The following CDH7 variants were observed in gnomAD, a reference collection of about 807,000 sequenced individuals.
The protein encoded by CDH7 is cadherin-7.
Under a neutral mutation model 71.8 loss-of-function variants are expected in CDH7, and 25 were observed. The observed-to-expected ratio is 0.35, with a 90% CI of 0.25 to 0.49. The LOEUF is 0.49. CDH7 is among the 20% of genes least tolerant of loss of function. The pLI is 0.99. For missense variants in CDH7, 862 were observed against 974.6 expected (o/e 0.88, Z 1.54); for synonymous variants, 381 against 363.8 (o/e 1.05, Z -0.54).
rs1385311167 is a variant in CDH7, at chr18:65,781,880, G to C, written c.210+18828G>C. Among the ~76,000 whole-genome samples the C allele has an allele frequency of 5.1e-3, 132 of 25,832 alleles. 13 individuals carry two copies. The highest frequency in any genetic ancestry group is 0.014 in the African/African-American group (70 of 4,866). The allele number at this position is 25,832 out of a possible 152,430, so 16.9% of individuals were successfully genotyped here. A position where few individuals can be genotyped will look rare whatever the true frequency, so the allele number is the denominator to read the frequency against. The stretch of plus-strand genomic sequence containing the variant: ...TTTCTTTCTTTCTCTCTCTCTCTCT[G>C]TCTCTCTCTCTCTTTCTCTCTATCT... On this transcript the variant is annotated intron_variant, in intron 2 of 11. Coordinates refer to ENST00000397968, the MANE Select transcript of CDH7 (RefSeq NM_004361.5).
intron 1 of CDH7, among the ~76,000 whole-genome samples, chr18:65,756,621 A>G (rs1416085905): frequency 3.9e-5 from 6 of 152,236 alleles, no homozygotes. Context: ...AGCAGAGAGC[A>G]TGAGCAGCTG....
At chr18:65,772,674 A>G (rs1477559247) in intron 2 of CDH7, among the ~76,000 whole-genome samples, 1 of 152,200 alleles carries the variant, frequency 6.6e-6, no homozygotes, top group East Asian at 1.9e-4. Flanking sequence ...AAGGAACTGC[A>G]CTATAGGACA....
intron 2 of CDH7, among the ~76,000 whole-genome samples, chr18:65,800,502 A>G (rs1304810770): frequency 1.3e-5 from 2 of 152,174 alleles, no homozygotes. Context: ...CTGGTTGAAA[A>G]TAGATTTCTG....
intron 11 of CDH7, among the ~76,000 whole-genome samples, chr18:65,874,191 G>A (rs1210252255): frequency 1.3e-5 from 2 of 152,042 alleles, no homozygotes; most frequent in African/African-American, 4.8e-5. Context: ...TGTGGTAGTA[G>A]CCACTAAACA....
chr18:65,848,308 TG>T, intron 7 of CDH7, among the ~76,000 whole-genome samples: 1 of 152,312 alleles, frequency 6.6e-6, no homozygotes, highest in Admixed American at 6.5e-5. Flanking sequence ...ATGCAAGCAC[TG>T]GGGAAAATGC....
intron 7 of CDH7, 132 bp downstream of exon 7, chr18:65,844,197 A>ATATATATATATATATAT (rs1297136960): frequency 1.8e-4 from 43 of 242,004 alleles, no homozygotes; most frequent in Non-Finnish European, 2.4e-4. Context: ...ATCGAGTTAT[A>ATATATATATATATATAT]ACAGCAGAGG....
chr18:65,825,573 A>G (rs948321068), intron 6 of CDH7, among the ~76,000 whole-genome samples: 1 of 151,926 alleles, frequency 6.6e-6, no homozygotes, highest in African/African-American at 2.4e-5. Flanking sequence ...GTCTTAGTTT[A>G]TCAACTATTT....
chr18:65,853,513 A>G (rs1342130569), intron 7 of CDH7, among the ~76,000 whole-genome samples: 4 of 151,866 alleles, frequency 2.6e-5, no homozygotes, highest in African/African-American at 7.3e-5. Context: ...TTTATACATT[A>G]GCTAATGCTT....
At chr18:65,782,142 C>A (rs1910318797) in intron 2 of CDH7, among the ~76,000 whole-genome samples, 1 of 94,730 alleles carries the variant, frequency 1.1e-5, no homozygotes, top group South Asian at 3.6e-4. Context: ...TTCTTTCTTT[C>A]TTTCTTTCTT....
chr18:65,867,061 G>A (rs1913785666), intron 11 of CDH7, among the ~76,000 whole-genome samples: 1 of 148,060 alleles, frequency 6.8e-6, no homozygotes, highest in Non-Finnish European at 1.5e-5. Context: ...TTTTAGACAG[G>A]GTCTTGCTCT....
chr18:65,783,808 A>C (rs1910406862), intron 2 of CDH7, among the ~76,000 whole-genome samples: 1 of 152,196 alleles, frequency 6.6e-6, no homozygotes, highest in Non-Finnish European at 1.5e-5. Flanking sequence ...GACACCAAGA[A>C]TATGACACAG....
intron 4 of CDH7, 86 bp from the exon 5 acceptor site, chr18:65,821,995 A>G (rs1599030146): frequency 2.0e-6 from 2 of 1,025,044 alleles, no homozygotes; most frequent in Admixed American, 1.9e-5. Context: ...ACAACTCAAG[A>G]GGGACTTACT....
chr18:65,843,759 C>T, intron 6 of CDH7, 53 bp from the exon 7 acceptor site: 1 of 1,447,600 alleles, frequency 6.9e-7, no homozygotes, highest in South Asian at 1.5e-5. Flanking sequence ...AAAGGCTCTG[C>T]TTTGCTGACT....
chr18:65,768,083 T>C (rs939133216), intron 2 of CDH7, among the ~76,000 whole-genome samples: 3 of 152,204 alleles, frequency 2.0e-5, no homozygotes, highest in African/African-American at 7.2e-5. Context: ...CCACATTTCC[T>C]GATTGTCTGT....
At chr18:65,791,242 G>T (rs1357259509) in intron 2 of CDH7, among the ~76,000 whole-genome samples, 3 of 152,162 alleles carry the variant, frequency 2.0e-5, no homozygotes, top group Non-Finnish European at 1.5e-5. Context: ...GTGCATGTTT[G>T]TGTATGTTAC....
At chr18:65,876,263 A>G (rs1333085850) in intron 11 of CDH7, among the ~76,000 whole-genome samples, 2 of 152,176 alleles carry the variant, frequency 1.3e-5, no homozygotes, top group Admixed American at 1.3e-4. Flanking sequence ...ATGTTGTAAG[A>G]CTGAATTCCA....
intron 11 of CDH7, among the ~76,000 whole-genome samples, chr18:65,870,556 T>C (rs1458504507): frequency 1.3e-5 from 2 of 152,116 alleles, no homozygotes; most frequent in Admixed American, 6.5e-5. Flanking sequence ...GCCACCTGCT[T>C]ACCTCTCTAA....
At chr18:65,842,863 ACT>A (rs1402173260) in intron 6 of CDH7, among the ~76,000 whole-genome samples, 1 of 103,716 alleles carries the variant, frequency 9.6e-6, no homozygotes, top group East Asian at 3.6e-4. Context: ...TTTTTTTTTC[ACT>A]GTTTTTAATT....
At chr18:65,819,779 A>T (rs1456568802) in intron 4 of CDH7, among the ~76,000 whole-genome samples, 1 of 151,624 alleles carries the variant, frequency 6.6e-6, no homozygotes, top group Non-Finnish European at 1.5e-5. Flanking sequence ...TATCCAAAAA[A>T]GTTTATTTAG....
Sources: allele counts gnomAD v4.1 joint callset (sites outside exome capture counted in the v4.1 genomes callset), GRCh38; gene constraint gnomAD v4.1.1; transcripts MANE v1.5; gene names NCBI Gene and HGNC (gene_info 2026-07-23, HGNC 2026-07-21).